Variants in ADAM20 observed in about 807,000 individuals in gnomAD.
The protein encoded by ADAM20 is disintegrin and metalloproteinase domain-containing protein 20.
For synonymous variants in ADAM20, 305 were observed against 310.2 expected, an observed-to-expected ratio of 0.98 and a Z score of 0.18; for missense variants, 871 against 883.2, an observed-to-expected ratio of 0.99 and a Z score of 0.18.
the ADAM20 span, among the ~76,000 whole-genome samples, chr14:70,578,916 A>T: frequency 6.6e-6 from 1 of 152,066 alleles, no homozygotes; most frequent in Non-Finnish European, 1.5e-5. Flanking sequence ...TATAGCTCCC[A>T]CTTGTAAGTC....
At chr14:70,536,670 G>A (rs1416032331), upstream of ADAM20, among the ~76,000 whole-genome samples, 1 of 151,884 alleles carries the variant, frequency 6.6e-6, no homozygotes, top group African/African-American at 2.4e-5. Flanking sequence ...TAATGGCTAA[G>A]GCCAGCATGA....
At chr14:70,528,492 A>G (rs1883639432) in intron 1 of ADAM20, among the ~76,000 whole-genome samples, 1 of 152,202 alleles carries the variant, frequency 6.6e-6, no homozygotes, top group Non-Finnish European at 1.5e-5. Flanking sequence ...CACTGGATAC[A>G]TAGGTTTCCC....
upstream of ADAM20, among the ~76,000 whole-genome samples, chr14:70,537,688 C>T (rs1025126188): frequency 1.3e-5 from 2 of 152,172 alleles, no homozygotes; most frequent in African/African-American, 4.8e-5. Flanking sequence ...ACATGGGTGC[C>T]AAACAATCCC....
At chr14:70,534,199 T>C (rs1158502021) in intron 1 of ADAM20, among the ~76,000 whole-genome samples, 2 of 151,808 alleles carry the variant, frequency 1.3e-5, no homozygotes, top group African/African-American at 4.8e-5. Context: ...TATAGAAGCC[T>C]TCCCATGTAT....
At chr14:70,538,172 A>G (rs1477908860), upstream of ADAM20, among the ~76,000 whole-genome samples, 2 of 151,652 alleles carry the variant, frequency 1.3e-5, no homozygotes, top group African/African-American at 2.4e-5. Flanking sequence ...TCAGCCCCAA[A>G]TCCCACTCCT....
At chr14:70,571,169 G>T in the ADAM20 span, among the ~76,000 whole-genome samples, 1 of 152,124 alleles carries the variant, frequency 6.6e-6, no homozygotes, top group South Asian at 2.1e-4. Context: ...AAATTTGAAT[G>T]AATTCCCCTT....
chr14:70,571,581 T>C, the ADAM20 span, among the ~76,000 whole-genome samples: 1 of 152,172 alleles, frequency 6.6e-6, no homozygotes. Context: ...CAGAATTGAC[T>C]AATACATCCA....
At chr14:70,542,030 G>T in the ADAM20 span, among the ~76,000 whole-genome samples, 2 of 152,196 alleles carry the variant, frequency 1.3e-5, no homozygotes, top group African/African-American at 2.4e-5. Context: ...TTAACTGCAT[G>T]AACTGAACTA....
the ADAM20 span, among the ~76,000 whole-genome samples, chr14:70,543,263 G>A: frequency 1.9e-4 from 29 of 152,192 alleles, no homozygotes; most frequent in Middle Eastern, 0.014. Context: ...TATTTACTAT[G>A]CTACCCTTGG....
At chr14:70,550,677 C>G in the ADAM20 span, among the ~76,000 whole-genome samples, 1 of 40,498 alleles carries the variant, frequency 2.5e-5, no homozygotes, top group Non-Finnish European at 4.2e-5. Flanking sequence ...GTTTACCAAC[C>G]AAAAAGAGTC....
At chr14:70,543,262 T>C in the ADAM20 span, among the ~76,000 whole-genome samples, 1 of 152,356 alleles carries the variant, frequency 6.6e-6, no homozygotes, top group Non-Finnish European at 1.5e-5. Flanking sequence ...TTATTTACTA[T>C]GCTACCCTTG....
chr14:70,543,417 A>C, the ADAM20 span, among the ~76,000 whole-genome samples: 1 of 152,238 alleles, frequency 6.6e-6, no homozygotes, highest in Non-Finnish European at 1.5e-5. Context: ...ACTAATAGAA[A>C]ATAACACATG....
the ADAM20 span, among the ~76,000 whole-genome samples, chr14:70,550,895 CA>C: frequency 1.6e-5 from 1 of 62,082 alleles, no homozygotes; most frequent in Non-Finnish European, 2.8e-5. Flanking sequence ...AACATTGATG[CA>C]AAAATCCTCA....
At chr14:70,576,992 A>C in the ADAM20 span, among the ~76,000 whole-genome samples, 1 of 152,178 alleles carries the variant, frequency 6.6e-6, no homozygotes, top group Non-Finnish European at 1.5e-5. Flanking sequence ...AGAAGAAGGA[A>C]GGCAAAGAAA....
chr14:70,564,763 T>TC, the ADAM20 span, among the ~76,000 whole-genome samples: 1 of 121,702 alleles, frequency 8.2e-6, no homozygotes. Context: ...TTTTTTTTTT[T>TC]TAGCCAGGCA....
In ADAM20 at chr14:70,523,943, A is replaced by T. The variant is rs1209873161; in HGVS notation, c.815T>A (p.Leu272Gln). The T allele has an allele frequency of 6.2e-6, 10 of 1,614,038 alleles. No individual in the cohort carries two copies. The highest frequency in any genetic ancestry group is 8.5e-6 in the Non-Finnish European group (10 of 1,179,964). ...AGAAAAGTCCTCTAAAACATTATCT[A>T]GGTCTCCACTGGTAGGAAGTGGATT... ...ASNPLPTSGD[L>Q]DNVLEDFSIW... The change falls in exon 2 of 2, where the codon CTA becomes CAA. Residue 272 changes from leucine (L) to glutamine (Q), a missense_variant. Transcript: ENST00000256389.
chr14:70,537,029 C>T (rs917841690), upstream of ADAM20, among the ~76,000 whole-genome samples: 3 of 151,580 alleles, frequency 2.0e-5, no homozygotes, highest in African/African-American at 7.3e-5. Context: ...AGCCACTTTT[C>T]ATGTTTCTTT....
intron 1 of ADAM20, among the ~76,000 whole-genome samples, chr14:70,527,984 T>C (rs1176246368): frequency 2.6e-5 from 4 of 152,234 alleles, no homozygotes. Context: ...AACTTCTGCT[T>C]TGCATCATTA....
upstream of ADAM20, among the ~76,000 whole-genome samples, chr14:70,535,383 C>T (rs190882070): frequency 2.0e-5 from 3 of 152,188 alleles, no homozygotes; most frequent in East Asian, 1.9e-4. Flanking sequence ...TACATAGATA[C>T]GTCAAGGGAA....
Sources: allele counts gnomAD v4.1 joint callset (sites outside exome capture counted in the v4.1 genomes callset), GRCh38; gene constraint gnomAD v4.1.1; transcripts MANE v1.5; gene names NCBI Gene and HGNC (gene_info 2026-07-23, HGNC 2026-07-21).